Variants in SH3BGRL2 observed in about 807,000 individuals in gnomAD.
The protein encoded by SH3BGRL2 is SH3 domain binding glutamate rich protein like 2.
SH3BGRL2 carries 21 observed loss-of-function variants against 14.8 expected under a neutral mutation model. The observed-to-expected ratio is 1.42, with a 90% CI of 1.01 to 2.05. SH3BGRL2 has a LOEUF of 2.05. Among genes scored for constraint, SH3BGRL2 ranks in the 30% most tolerant of loss-of-function variants. SH3BGRL2 has a pLI of 0.00. For missense variants in SH3BGRL2, 147 were observed against 130.8 expected (o/e 1.12, Z -0.61); for synonymous variants, 50 against 47.8 (o/e 1.05, Z -0.19).
chr6:79,648,344 A>T (rs1168350289), intron 1 of SH3BGRL2, among the ~76,000 whole-genome samples: 4 of 141,054 alleles, frequency 2.8e-5, no homozygotes, highest in Admixed American at 1.5e-4. Context: ...TATATATATA[A>T]TATATATATA....
chr6:79,631,596 G>C, intron 1 of SH3BGRL2, 90 bp downstream of exon 1: 1 of 1,108,088 alleles, frequency 9.0e-7, no homozygotes, highest in Non-Finnish European at 1.2e-6. Flanking sequence ...GCGTCCTTGC[G>C]CTCAGCCGGT....
At chr6:79,589,378 A>C in the SH3BGRL2 span, among the ~76,000 whole-genome samples, 1 of 152,028 alleles carries the variant, frequency 6.6e-6, no homozygotes, top group Non-Finnish European at 1.5e-5. Flanking sequence ...TTAATTTACT[A>C]TTAATAAAAT....
the SH3BGRL2 span, among the ~76,000 whole-genome samples, chr6:79,605,304 G>A: frequency 6.6e-6 from 1 of 152,156 alleles, no homozygotes; most frequent in African/African-American, 2.4e-5. Flanking sequence ...GTAGCCACAT[G>A]AATGATGTCA....
chr6:79,682,429 A>G (rs1365137255), intron 2 of SH3BGRL2, among the ~76,000 whole-genome samples: 1 of 152,144 alleles, frequency 6.6e-6, no homozygotes, highest in Non-Finnish European at 1.5e-5. Flanking sequence ...TCACAAGACA[A>G]CGTTCCCAAA....
upstream of SH3BGRL2, among the ~76,000 whole-genome samples, chr6:79,626,507 C>T (rs1768729257): frequency 6.6e-6 from 1 of 152,136 alleles, no homozygotes; most frequent in Non-Finnish European, 1.5e-5. Context: ...TGTCTCTACC[C>T]CTCTACTGGA....
chr6:79,591,381 C>T, the SH3BGRL2 span, among the ~76,000 whole-genome samples: 1 of 152,076 alleles, frequency 6.6e-6, no homozygotes, highest in Non-Finnish European at 1.5e-5. Flanking sequence ...ACCTTCTCTT[C>T]TTTTTATTCA....
At chr6:79,666,246 C>T (rs2127731048) in intron 1 of SH3BGRL2, among the ~76,000 whole-genome samples, 1 of 152,222 alleles carries the variant, frequency 6.6e-6, no homozygotes, top group Admixed American at 6.5e-5. Flanking sequence ...AAAGGCTGCC[C>T]CACACCACTA....
At chr6:79,595,433 G>A in the SH3BGRL2 span, among the ~76,000 whole-genome samples, 1 of 152,198 alleles carries the variant, frequency 6.6e-6, no homozygotes, top group South Asian at 2.1e-4. Flanking sequence ...AAGTCAGTTA[G>A]GAAAAGACAA....
chr6:79,631,374 G>A lies in SH3BGRL2; in HGVS notation c.-88G>A. 8.0e-7 allele frequency: 1 copy of A among 1,246,238 alleles called. No homozygotes were observed. The highest frequency in any genetic ancestry group is 1.8e-5 in the South Asian group (1 of 55,214). The allele number at this position is 1,246,238 out of a possible 1,614,324, so 77.2% of individuals were successfully genotyped here. ...GACGGCAGCGCTTTACCCAGAGGCTGCCGGCGGCTCGTAGCTGGGTTCAGC... is the reference window on the plus strand; with the variant it reads ...GACGGCAGCGCTTTACCCAGAGGCTACCGGCGGCTCGTAGCTGGGTTCAGC... On this transcript the variant is annotated 5_prime_UTR_variant, in exon 1 of 4. Transcript: ENST00000369838.
At chr6:79,580,838 A>G in the SH3BGRL2 span, among the ~76,000 whole-genome samples, 2 of 152,198 alleles carry the variant, frequency 1.3e-5, no homozygotes, top group African/African-American at 2.4e-5. Flanking sequence ...TCAAAATTCA[A>G]TGAAGCCAGG....
intron 1 of SH3BGRL2, among the ~76,000 whole-genome samples, chr6:79,673,163 G>A (rs1424476886): frequency 6.6e-6 from 1 of 151,804 alleles, no homozygotes; most frequent in Non-Finnish European, 1.5e-5. Flanking sequence ...GGGTTGGGGT[G>A]GGATGGGGAG....
intron 2 of SH3BGRL2, among the ~76,000 whole-genome samples, chr6:79,682,113 T>A (rs1447410927): frequency 2.0e-5 from 3 of 152,134 alleles, no homozygotes; most frequent in Non-Finnish European, 4.4e-5. Context: ...TATTTAAAAG[T>A]ATTTATGATG....
intron 2 of SH3BGRL2, among the ~76,000 whole-genome samples, chr6:79,682,722 G>C (rs1770011974): frequency 6.6e-6 from 1 of 152,176 alleles, no homozygotes; most frequent in African/African-American, 2.4e-5. Context: ...TTTAATAGCA[G>C]AACAAACACT....
chr6:79,632,773 G>C (rs1022007327), intron 1 of SH3BGRL2, among the ~76,000 whole-genome samples: 3 of 152,196 alleles, frequency 2.0e-5, no homozygotes, highest in Admixed American at 6.5e-5. Flanking sequence ...GGGTTGCTTA[G>C]TCATGCCTGC....
the SH3BGRL2 span, among the ~76,000 whole-genome samples, chr6:79,609,660 G>A: frequency 6.6e-6 from 1 of 152,032 alleles, no homozygotes; most frequent in African/African-American, 2.4e-5. Flanking sequence ...ATTATTATTC[G>A]TTCATACACA....
intron 2 of SH3BGRL2, among the ~76,000 whole-genome samples, chr6:79,685,358 C>G (rs573525798): frequency 1.7e-4 from 26 of 152,278 alleles, no homozygotes; most frequent in African/African-American, 5.1e-4. Flanking sequence ...GACAATCAGG[C>G]CATGTTAATA....
intron 1 of SH3BGRL2, among the ~76,000 whole-genome samples, chr6:79,653,619 G>A (rs1156246940): frequency 6.6e-6 from 1 of 152,206 alleles, no homozygotes; most frequent in Non-Finnish European, 1.5e-5. Context: ...AGAAAGGCCT[G>A]TGCCCTTGGC....
the SH3BGRL2 span, among the ~76,000 whole-genome samples, chr6:79,603,953 C>T: frequency 6.6e-6 from 1 of 152,074 alleles, no homozygotes; most frequent in Admixed American, 6.6e-5. Context: ...TACAGGTGCG[C>T]GTTACCACAC....
chr6:79,586,468 T>C, the SH3BGRL2 span, among the ~76,000 whole-genome samples: 1 of 152,128 alleles, frequency 6.6e-6, no homozygotes, highest in Admixed American at 6.6e-5. Context: ...ATAAATCATT[T>C]ATACTTTTAA....
Sources: gnomAD v4.1 joint callset for allele counts (sites outside exome capture counted in the v4.1 genomes callset) on GRCh38, gnomAD v4.1.1 for gene constraint, MANE v1.5 for transcripts, NCBI Gene and HGNC (gene_info 2026-07-23, HGNC 2026-07-21) for gene names.